The following NXPE1 variants were observed in gnomAD, a reference collection of about 807,000 sequenced individuals.
The protein encoded by NXPE1 is neurexophilin and PC-esterase domain family member 1, also known as NXPE family member 1.
In NXPE1, 31 loss-of-function variants were observed where a neutral mutation model predicts 33.3. The observed-to-expected ratio is 0.93, with a 90% CI of 0.70 to 1.26. The LOEUF is 1.26. Among genes scored for constraint, NXPE1 ranks in the 50% most tolerant of loss-of-function variants. NXPE1 has a pLI of 0.00. For missense variants in NXPE1, 661 were observed against 655.6 expected (o/e 1.01, Z -0.09); for synonymous variants, 229 against 231.4 (o/e 0.99, Z 0.09).
intron 7 of NXPE1, 89 bp from the exon 8 acceptor site, chr11:114,523,180 TC>T (rs940097168): frequency 4.4e-6 from 4 of 915,502 alleles, no homozygotes; most frequent in African/African-American, 1.7e-5. Context: ...TTGCTCTCTT[TC>T]CCCCTTCCTG....
exon 9 of NXPE1, chr11:114,521,856 T>G (rs1239726082): frequency 8.4e-6 from 7 of 829,352 alleles, no homozygotes; most frequent in Non-Finnish European, 1.3e-5. Context: ...CCCAAACAGA[T>G]TCTTTTAAAT....
intron 2 of NXPE1, 150 bp from the exon 3 acceptor site, chr11:114,552,235 C>T (rs1302355388): frequency 6.6e-6 from 1 of 152,130 alleles, no homozygotes; most frequent in East Asian, 1.9e-4. Flanking sequence ...TCTATGACTT[C>T]CCAATTACTG....
chr11:114,522,296 C>G (rs1013503915), exon 9 of NXPE1: 10 of 1,614,030 alleles, frequency 6.2e-6, no homozygotes, highest in Non-Finnish European at 8.5e-6. Flanking sequence ...AAAGTGCTGG[C>G]CAAAGGTGAT....
intron 5 of NXPE1, among the ~76,000 whole-genome samples, chr11:114,549,062 T>C (rs930058058): frequency 3.3e-5 from 5 of 151,656 alleles, no homozygotes; most frequent in African/African-American, 1.2e-4. Flanking sequence ...AATGGATAAC[T>C]CAGAAAATAC....
intron 5 of NXPE1, among the ~76,000 whole-genome samples, chr11:114,540,065 C>G (rs1283655236): frequency 1.3e-5 from 2 of 152,228 alleles, no homozygotes; most frequent in African/African-American, 2.4e-5. Flanking sequence ...AAGCGATTCT[C>G]CTGCCTCAGC....
At chr11:114,528,410 G>A (rs902391923) in intron 6 of NXPE1, among the ~76,000 whole-genome samples, 5 of 152,088 alleles carry the variant, frequency 3.3e-5, no homozygotes, top group Non-Finnish European at 5.9e-5. Flanking sequence ...GCCTTTTTGG[G>A]TGGCAGGTAG....
chr11:114,536,580 TAA>T (rs1278481074), intron 5 of NXPE1, among the ~76,000 whole-genome samples: 1 of 151,918 alleles, frequency 6.6e-6, no homozygotes, highest in Admixed American at 6.6e-5. Context: ...ATAGACGCCA[TAA>T]AAAATGACAA....
At chr11:114,522,358 A>G (rs921621025) in exon 9 of NXPE1, 36 of 1,614,154 alleles carry the variant, frequency 2.2e-5, no homozygotes, top group Non-Finnish European at 3.1e-5. Flanking sequence ...CCCGAGGGAT[A>G]TAATCATGAT....
intron 2 of NXPE1, 59 bp downstream of exon 2, chr11:114,552,793 A>G (rs1249511293): frequency 1.4e-6 from 1 of 725,926 alleles, no homozygotes; most frequent in East Asian, 1.3e-4. Flanking sequence ...TAAATCTTAG[A>G]TTCTCAATCT....
intron 5 of NXPE1, among the ~76,000 whole-genome samples, chr11:114,539,405 C>A (rs998906041): frequency 6.7e-6 from 1 of 149,518 alleles, no homozygotes; most frequent in Admixed American, 6.7e-5. Context: ...GCACGTTGTG[C>A]ACATGTACCC....
chr11:114,534,418 G>A (rs1192348027), intron 5 of NXPE1, among the ~76,000 whole-genome samples: 1 of 152,192 alleles, frequency 6.6e-6, no homozygotes, highest in African/African-American at 2.4e-5. Flanking sequence ...ACCAGCAACA[G>A]AACAAAGCTG....
At chr11:114,538,038 G>C (rs1035243988) in intron 5 of NXPE1, among the ~76,000 whole-genome samples, 3 of 151,962 alleles carry the variant, frequency 2.0e-5, no homozygotes, top group Admixed American at 2.0e-4. Flanking sequence ...ATACTACAAG[G>C]CTACAGTAAC....
At chr11:114,534,235 G>T (rs1947705213) in intron 5 of NXPE1, among the ~76,000 whole-genome samples, 1 of 152,182 alleles carries the variant, frequency 6.6e-6, no homozygotes, top group Non-Finnish European at 1.5e-5. Flanking sequence ...CTGACTGTTA[G>T]AAGGAAAACT....
chr11:114,535,245 A>C (rs369333588), intron 5 of NXPE1, among the ~76,000 whole-genome samples: 3 of 152,230 alleles, frequency 2.0e-5, no homozygotes, highest in Admixed American at 2.0e-4. Context: ...AGATTTTGTC[A>C]CCACCAGGCC....
chr11:114,519,136 G>A (rs1947147536), downstream of NXPE1, among the ~76,000 whole-genome samples: 1 of 152,128 alleles, frequency 6.6e-6, no homozygotes. Flanking sequence ...CGTTTTATGA[G>A]CCTTTTATAT....
exon 6 of NXPE1, chr11:114,530,561 C>G: frequency 6.2e-7 from 1 of 1,613,956 alleles, no homozygotes; most frequent in Non-Finnish European, 8.5e-7. Flanking sequence ...AAGCACCTGC[C>G]GTCAGTGCTG....
chr11:114,531,510 T>C (rs1354867594), intron 5 of NXPE1, among the ~76,000 whole-genome samples: 2 of 152,208 alleles, frequency 1.3e-5, no homozygotes, highest in African/African-American at 4.8e-5. Context: ...CCAGTCCTTT[T>C]TAAAGCAAAA....
chr11:114,530,889 A>G (rs7944960), exon 6 of NXPE1: 249,223 of 1,611,228 alleles, frequency 0.15, 24,588 homozygotes, highest in African/African-American at 0.45. Context: ...AGAGATGGAT[A>G]AGTTTAGAGC....
chr11:114,527,873 C>A lies in NXPE1; in HGVS notation c.862G>T (p.Asp288Tyr), dbSNP rs116309340. 267 of 1,606,340 alleles carry A rather than the reference C, an allele frequency of 1.7e-4. 1 individual carries two copies. The East Asian group carries it at 5.9e-3, about 36-fold the overall frequency. Residue 288 changes from aspartate to tyrosine, a missense_variant, in exon 7 of 9, where the codon GAT becomes TAT. Coordinates refer to ENST00000534921, the Ensembl canonical transcript of NXPE1. The stretch of plus-strand genomic sequence containing the variant: ...TTAGTGACATCAATGTGTTTACGAT[C>A]CTTCATCATTTCAACTCCCACTTTG...
Sources: allele counts gnomAD v4.1 joint callset (sites outside exome capture counted in the v4.1 genomes callset), GRCh38; gene constraint gnomAD v4.1.1; transcripts MANE v1.5; gene names NCBI Gene and HGNC (gene_info 2026-07-23, HGNC 2026-07-21).